The following MNAT1 variants were observed in gnomAD, a reference collection of about 807,000 sequenced individuals.
MNAT1 encodes MNAT1 component of CDK activating kinase.
A neutral mutation model predicts 42.0 loss-of-function variants in MNAT1; 43 were observed. The observed-to-expected ratio is 1.02, with a 90% CI of 0.80 to 1.32. MNAT1 has a LOEUF of 1.32. Among genes scored for constraint, MNAT1 ranks in the 40% most tolerant of loss-of-function variants. The pLI, the probability that MNAT1 is intolerant of heterozygous loss-of-function variation, is 0.00. For synonymous variants in MNAT1, 118 were observed against 120.0 expected (o/e 0.98, Z 0.11); for missense variants, 306 against 350.4 (o/e 0.87, Z 1.01).
chr14:60,773,268 T>C lies in MNAT1; in HGVS notation c.90-22949T>C, dbSNP rs565368327. Among the ~76,000 whole-genome samples the C allele has an allele frequency of 1.4e-4, 21 of 152,278 alleles. 1 individual carries two copies. The South Asian group carries it at 4.4e-3, about 32-fold the overall frequency. On this transcript the variant is annotated intron_variant, in intron 1 of 7. Coordinates refer to ENST00000261245, the MANE Select transcript of MNAT1 (RefSeq NM_002431.4). ...TTATTTTAATAAGTTGAAATTGTGA[T>C]AGACTGTAGAGAAACTTTGAGAGTT...
intron 5 of MNAT1, among the ~76,000 whole-genome samples, chr14:60,813,011 G>A (rs1420611395): frequency 6.6e-6 from 1 of 152,188 alleles, no homozygotes; most frequent in Non-Finnish European, 1.5e-5. Context: ...TGCCCTAGGT[G>A]ACAAGGCCAG....
At chr14:60,848,621 A>G (rs772456195) in intron 6 of MNAT1, among the ~76,000 whole-genome samples, 5 of 151,950 alleles carry the variant, frequency 3.3e-5, no homozygotes, top group Admixed American at 2.0e-4. Flanking sequence ...GTTTTACTTC[A>G]TGTTGTGGCG....
At chr14:60,841,733 T>G (rs989648756) in intron 6 of MNAT1, among the ~76,000 whole-genome samples, 1 of 152,246 alleles carries the variant, frequency 6.6e-6, no homozygotes, top group African/African-American at 2.4e-5. Context: ...GGGATGCAGT[T>G]AAGTTAGCTA....
intron 7 of MNAT1, among the ~76,000 whole-genome samples, chr14:60,930,880 G>A (rs1453658809): frequency 6.6e-6 from 1 of 152,068 alleles, no homozygotes; most frequent in Non-Finnish European, 1.5e-5. Context: ...GTTCCTGTGT[G>A]TCTTAAATCA....
chr14:60,961,028 T>C (rs1482444679), intron 7 of MNAT1, among the ~76,000 whole-genome samples: 1 of 152,188 alleles, frequency 6.6e-6, no homozygotes, highest in Non-Finnish European at 1.5e-5. Context: ...AATGGTGCGA[T>C]CTCAGCTCAC....
rs772088690 is a variant in MNAT1, at chr14:60,734,858, C to T, written c.-5C>T. 5 of 1,613,902 alleles carry T rather than the reference C, an allele frequency of 3.1e-6. No homozygotes were observed. The highest frequency in any genetic ancestry group is 4.2e-6 in the Non-Finnish European group (5 of 1,179,884). On this transcript the variant is annotated 5_prime_UTR_variant, in exon 1 of 8. Transcript: ENST00000261245. The surrounding 1 kb of genome is among the most constrained non-coding windows in gnomAD (Gnocchi z 4.3). ...CCTGCGAGAGTCTGTAGGAGGGAAA[C>T]CGCCATGGACGATCAGGGTTGCCCT...
chr14:60,943,001 G>T (rs2036202211), intron 7 of MNAT1, among the ~76,000 whole-genome samples: 1 of 109,636 alleles, frequency 9.1e-6, no homozygotes, highest in African/African-American at 3.6e-5. Context: ...AGAACCACAT[G>T]TAGTGTGTGT....
chr14:60,867,445 G>A (rs575823520), intron 6 of MNAT1, among the ~76,000 whole-genome samples: 1 of 152,158 alleles, frequency 6.6e-6, no homozygotes, highest in East Asian at 1.9e-4. Flanking sequence ...TACCATATAT[G>A]TATCTTTTTT....
intron 7 of MNAT1, among the ~76,000 whole-genome samples, chr14:60,962,366 C>T (rs894687261): frequency 2.0e-5 from 3 of 152,106 alleles, no homozygotes; most frequent in African/African-American, 7.2e-5. Flanking sequence ...TCTCATAGCC[C>T]ATGTTCCTGA....
chr14:60,767,155 TGGATTGG>T (rs1205796093), intron 1 of MNAT1, among the ~76,000 whole-genome samples: 1 of 152,222 alleles, frequency 6.6e-6, no homozygotes, highest in Non-Finnish European at 1.5e-5. Flanking sequence ...AATACACTTT[TGGATTGG>T]AAATGCAATA....
intron 6 of MNAT1, among the ~76,000 whole-genome samples, chr14:60,858,971 C>T (rs570126317): frequency 1.3e-5 from 2 of 152,256 alleles, no homozygotes; most frequent in Admixed American, 1.3e-4. Flanking sequence ...GGTCTACAAC[C>T]GAACCTGCAA....
At chr14:60,813,558 C>A (rs190595272) in intron 5 of MNAT1, among the ~76,000 whole-genome samples, 69 of 152,230 alleles carry the variant, frequency 4.5e-4, no homozygotes, top group African/African-American at 1.6e-3. Flanking sequence ...ACTGATTCCA[C>A]CATATTAGTA....
At chr14:60,889,181 A>G (rs907760267) in intron 7 of MNAT1, among the ~76,000 whole-genome samples, 6 of 152,188 alleles carry the variant, frequency 3.9e-5, no homozygotes, top group Admixed American at 2.0e-4. Context: ...GAGGCATCAC[A>G]CTACCTGACT....
intron 7 of MNAT1, among the ~76,000 whole-genome samples, chr14:60,895,977 G>A (rs1353955853): frequency 6.6e-6 from 1 of 151,930 alleles, no homozygotes; most frequent in Non-Finnish European, 1.5e-5. Context: ...GGGAGGCATT[G>A]GTCTCCCAAG....
chr14:60,824,445 T>C (rs1249283153), intron 6 of MNAT1, among the ~76,000 whole-genome samples: 1 of 152,206 alleles, frequency 6.6e-6, no homozygotes, highest in Non-Finnish European at 1.5e-5. Flanking sequence ...CAGATATTCA[T>C]GATCAGTTTC....
chr14:60,884,256 G>C (rs1022843693), intron 7 of MNAT1, among the ~76,000 whole-genome samples: 1 of 151,986 alleles, frequency 6.6e-6, no homozygotes, highest in Non-Finnish European at 1.5e-5. Context: ...CCAGGTTTTT[G>C]AGGGTTTTTA....
At chr14:60,841,619 T>G (rs6573333) in intron 6 of MNAT1, among the ~76,000 whole-genome samples, 140,092 of 152,070 alleles carry the variant, frequency 0.92, 65,095 homozygotes, top group Non-Finnish European at 0.99. Context: ...TTTCTGAGTC[T>G]GCTTCTATTG....
chr14:60,785,103 C>T (rs2031604217), intron 1 of MNAT1, among the ~76,000 whole-genome samples: 1 of 152,134 alleles, frequency 6.6e-6, no homozygotes. Flanking sequence ...CCTCAGCCTC[C>T]CAAAATGCTG....
At chr14:60,789,266 G>A (rs2031745217) in intron 1 of MNAT1, among the ~76,000 whole-genome samples, 1 of 152,096 alleles carries the variant, frequency 6.6e-6, no homozygotes, top group Non-Finnish European at 1.5e-5. Flanking sequence ...TAAGTTTGCT[G>A]TCTTATATGG....
Sources: allele counts gnomAD v4.1 joint callset (sites outside exome capture counted in the v4.1 genomes callset), GRCh38; gene constraint gnomAD v4.1.1; non-coding constraint Gnocchi (gnomAD v3.1); transcripts MANE v1.5; gene names NCBI Gene and HGNC (gene_info 2026-07-23, HGNC 2026-07-21).